The following WRN variants were observed in gnomAD, a reference collection of about 807,000 sequenced individuals.
WRN encodes the protein bifunctional 3'-5' exonuclease/ATP-dependent helicase WRN.
Under a neutral mutation model 180.7 loss-of-function variants are expected in WRN, and 149 were observed. The observed-to-expected ratio is 0.82, with a 90% CI of 0.72 to 0.94. The LOEUF is 0.94. WRN is among the 40% of genes least tolerant of loss of function. The pLI is 0.00. For missense variants in WRN, 1,661 were observed against 1,700.1 expected (o/e 0.98, Z 0.40); for synonymous variants, 548 against 568.9 (o/e 0.96, Z 0.52).
chr8:31,132,662 A>G (rs1802231245), intron 24 of WRN, among the ~76,000 whole-genome samples, 156 bp downstream of exon 24: 1 of 152,162 alleles, frequency 6.6e-6, no homozygotes, highest in East Asian at 1.9e-4. Context: ...CACTACATTC[A>G]TTACTTTGGA....
Position 31,090,662 on chromosome 8 carries a change from G to A in WRN, c.1720+130G>A, listed in dbSNP as rs1813711520. ...AATGATGTAAACTATAGAAGAGAGT[G>A]AACAAAGAACAGATGCTCAGATTTA... On this transcript the variant is annotated intron_variant, in intron 14 of 34. Coordinates refer to ENST00000298139, the MANE Select transcript of WRN (RefSeq NM_000553.6). 17 of 1,111,592 alleles carry A rather than the reference G, an allele frequency of 1.5e-5. No homozygotes were observed. The South Asian group carries it at 2.5e-4, about 16-fold the overall frequency. 68.9% of individuals were successfully genotyped at this position (1,111,592 alleles called of 1,614,324 possible).
intron 33 of WRN, among the ~76,000 whole-genome samples, chr8:31,163,996 C>T (rs11574390): frequency 0.038 from 5,843 of 151,970 alleles, 373 homozygotes; most frequent in African/African-American, 0.13. Context: ...GGGACCACAC[C>T]TGGCTAATTT....
intron 30 of WRN, among the ~76,000 whole-genome samples, chr8:31,149,286 A>G (rs1168504173): frequency 6.6e-6 from 1 of 150,542 alleles, no homozygotes; most frequent in Non-Finnish European, 1.5e-5. Flanking sequence ...AGTCCCAGTT[A>G]CTCTGGCGGC....
intron 16 of WRN, among the ~76,000 whole-genome samples, chr8:31,093,624 G>A (rs1480837535): frequency 1.3e-5 from 2 of 152,068 alleles, no homozygotes; most frequent in African/African-American, 4.8e-5. Flanking sequence ...TTATTGAGGT[G>A]TAATTGACTT....
intron 21 of WRN, among the ~76,000 whole-genome samples, chr8:31,121,018 A>C (rs1241084495): frequency 2.6e-5 from 4 of 152,044 alleles, no homozygotes; most frequent in Non-Finnish European, 4.4e-5. Context: ...TCAGTATCTA[A>C]GTGCAGGAGA....
chr8:31,059,044 A>G, intron 2 of WRN, 109 bp from the exon 3 acceptor site: 1 of 866,684 alleles, frequency 1.2e-6, no homozygotes, highest in Non-Finnish European at 2.0e-6. Flanking sequence ...ACATTAATTG[A>G]TAAAACTTAG....
At chr8:31,100,054 T>C (rs1414379876) in intron 17 of WRN, among the ~76,000 whole-genome samples, 2 of 152,196 alleles carry the variant, frequency 1.3e-5, no homozygotes, top group Non-Finnish European at 2.9e-5. Context: ...TATCAAAGAA[T>C]GATGATACTC....
At chr8:31,052,610 C>T (rs907892546) in intron 1 of WRN, among the ~76,000 whole-genome samples, 1 of 152,200 alleles carries the variant, frequency 6.6e-6, no homozygotes, top group East Asian at 1.9e-4. Context: ...TGGTCTCGAA[C>T]CCCTGGCCTC....
intron 7 of WRN, among the ~76,000 whole-genome samples, chr8:31,071,140 A>G (rs1012841738): frequency 2.0e-5 from 3 of 152,012 alleles, no homozygotes; most frequent in African/African-American, 4.8e-5. Flanking sequence ...GAGAGAAATT[A>G]TGGTATCTAT....
chr8:31,125,968 C>T (rs1483785454), intron 23 of WRN, among the ~76,000 whole-genome samples: 4 of 67,420 alleles, frequency 5.9e-5, no homozygotes, highest in African/African-American at 2.2e-4. Flanking sequence ...AGACATCATC[C>T]TAAATATATA....
Position 31,083,681 on chromosome 8 carries a change from T to C in WRN, c.1270-18T>C. ...AGTCAATTATATTGGAAATTAATGC[T>C]TAATACTTTTTTTAAAGCATTTATC... On this transcript the variant is annotated intron_variant, in intron 9 of 34. Transcript: ENST00000298139. 1.2e-6 allele frequency: 2 copies of C among 1,603,774 alleles called. No individual in the cohort carries two copies. Among genetic ancestry groups the C allele is most frequent in the South Asian group, 1.1e-5 (1 of 90,822 alleles).
intron 30 of WRN, among the ~76,000 whole-genome samples, chr8:31,149,641 A>C (rs1803035182): frequency 6.6e-6 from 1 of 151,156 alleles, no homozygotes; most frequent in African/African-American, 2.4e-5. Context: ...CCCCCGGCTA[A>C]TTTTTTGTAT....
rs1200157016 is a variant in WRN at position 31,132,550 on chromosome 8, T to G, written c.2967+44T>G. On this transcript the variant is annotated intron_variant, in intron 24 of 34. Coordinates refer to ENST00000298139, the MANE Select transcript of WRN (RefSeq NM_000553.6). ...ATTCCCTTCATAGATCTTCTTTTAC[T>G]TCTATTACACTTTTCTTCAGAGGTT... 8 of 1,613,038 alleles carry G rather than the reference T, an allele frequency of 5.0e-6. No individual in the cohort carries two copies. In the Middle Eastern group the frequency reaches 6.7e-4, roughly 135 times the overall value.
intron 16 of WRN, among the ~76,000 whole-genome samples, chr8:31,092,664 T>G (rs914385056): frequency 1.3e-5 from 2 of 151,958 alleles, no homozygotes; most frequent in African/African-American, 4.8e-5. Context: ...TTACTGAGTT[T>G]TGATAAATGC....
In WRN at chr8:31,149,385, A is replaced by C. The variant is rs1231551746; in HGVS notation, c.3573-956A>C. On this transcript the variant is annotated intron_variant, in intron 30 of 34. Transcript: ENST00000298139. ...GCACTCCAGCCTGGGTGACAGAGCGAGACTCCGTCTAAAAAAAAAATAAAA... is the reference window on the plus strand; with the variant it reads ...GCACTCCAGCCTGGGTGACAGAGCGCGACTCCGTCTAAAAAAAAAATAAAA... Among the ~76,000 whole-genome samples the C allele has an allele frequency of 4.8e-5, 7 of 145,792 alleles. No homozygotes were observed. The East Asian group carries it at 1.3e-3, about 26-fold the overall frequency.
Position 31,154,769 on chromosome 8 carries a change from T to C in WRN, c.3819+14T>C, listed in dbSNP as rs886062894. 1 of 1,613,198 alleles carries C rather than the reference T, an allele frequency of 6.2e-7. No individual in the cohort carries two copies. The highest frequency in any genetic ancestry group is 1.1e-5 in the South Asian group (1 of 91,028). Reference sequence around the variant, plus strand: ...AAGATGCCTTTGGTAAGTGTGACTTTCATGTTACAGGGAATTTTTTTAGTT... The same window carrying C: ...AAGATGCCTTTGGTAAGTGTGACTTCCATGTTACAGGGAATTTTTTTAGTT... On this transcript the variant is annotated intron_variant, in intron 32 of 34. Transcript: ENST00000298139.
chr8:31,167,432 C>G (rs1369222397), intron 34 of WRN, among the ~76,000 whole-genome samples: 1 of 152,028 alleles, frequency 6.6e-6, no homozygotes, highest in African/African-American at 2.4e-5. Context: ...TTTAGTCCAT[C>G]TGTTTAGCTT....
intron 3 of WRN, 115 bp downstream of exon 3, chr8:31,059,380 T>G: frequency 1.3e-6 from 1 of 782,142 alleles, no homozygotes; most frequent in Admixed American, 2.0e-5. Context: ...AATAGATAAT[T>G]ATTTCTATGT....
chr8:31,127,103 C>A (rs1801957328), intron 23 of WRN, among the ~76,000 whole-genome samples: 1 of 152,098 alleles, frequency 6.6e-6, no homozygotes, highest in South Asian at 2.1e-4. Flanking sequence ...AAAATAAAAT[C>A]CCCTAGCCCA....
Sources: allele counts gnomAD v4.1 joint callset (sites outside exome capture counted in the v4.1 genomes callset), GRCh38; gene constraint gnomAD v4.1.1; transcripts MANE v1.5; gene names NCBI Gene and HGNC (gene_info 2026-07-23, HGNC 2026-07-21).